The following FARP1 variants were observed in gnomAD, a reference collection of about 807,000 sequenced individuals.
The protein encoded by FARP1 is FERM, ARHGEF and pleckstrin domain-containing protein 1.
FARP1 carries 52 observed loss-of-function variants against 128.8 expected under a neutral mutation model. That is an observed-to-expected ratio of 0.40 (90% CI 0.32 to 0.51). The LOEUF (loss-of-function observed/expected upper bound fraction) is 0.51, where lower values mean the gene tolerates loss of function less well. FARP1 is among the 20% of genes least tolerant of loss of function. The pLI is 0.45. For synonymous variants in FARP1, 580 were observed against 551.8 expected (o/e 1.05, Z -0.72); for missense variants, 1,333 against 1,367.9 (o/e 0.97, Z 0.40).
At chr13:98,291,044 G>A (rs12583790) in intron 2 of FARP1, among the ~76,000 whole-genome samples, 63 of 152,178 alleles carry the variant, frequency 4.1e-4, no homozygotes, top group African/African-American at 1.3e-3. Context: ...CGTGAACAAC[G>A]CAGGTTGGGG....
chr13:98,419,150 A>G (rs1034251344), intron 16 of FARP1, among the ~76,000 whole-genome samples: 4 of 152,212 alleles, frequency 2.6e-5, no homozygotes, highest in African/African-American at 7.2e-5. Context: ...AAATCCACAT[A>G]TATCACATGT....
chr13:98,245,111 A>C (rs1882989415), intron 2 of FARP1: 1 of 996,528 alleles, frequency 1.0e-6, no homozygotes, highest in African/African-American at 1.7e-5. Context: ...TAGATTCTTT[A>C]GTTTTTAAAT....
At chr13:98,301,117 G>A (rs2139699048) in intron 2 of FARP1, among the ~76,000 whole-genome samples, 1 of 152,282 alleles carries the variant, frequency 6.6e-6, no homozygotes, top group Admixed American at 6.5e-5. Flanking sequence ...CATCCTACAA[G>A]GCATAGGACA....
At chr13:98,258,078 A>ATTCTCCTGCCTCAGCCTCCC (rs1278893987) in intron 2 of FARP1, among the ~76,000 whole-genome samples, 1 of 151,818 alleles carries the variant, frequency 6.6e-6, no homozygotes, top group African/African-American at 2.4e-5. Context: ...GGTTCACGCC[A>ATTCTCCTGCCTCAGCCTCCC]TTCTCCTGCC....
intron 13 of FARP1, chr13:98,402,834 G>A (rs1329571169): frequency 6.6e-6 from 1 of 152,096 alleles, no homozygotes; most frequent in Non-Finnish European, 1.5e-5. Context: ...ATTTAATACT[G>A]TAGATAATAT....
chr13:98,340,295 A>G (rs1887912148), intron 2 of FARP1, among the ~76,000 whole-genome samples: 1 of 152,286 alleles, frequency 6.6e-6, no homozygotes, highest in South Asian at 2.1e-4. Flanking sequence ...TGAAACTGGA[A>G]TGTGTTCTTC....
At chr13:98,161,600 G>T (rs1210289622) in intron 1 of FARP1, among the ~76,000 whole-genome samples, 1 of 152,146 alleles carries the variant, frequency 6.6e-6, no homozygotes, top group Non-Finnish European at 1.5e-5. Flanking sequence ...GAGGAATGTG[G>T]CTGAGTTCAC....
intron 1 of FARP1, among the ~76,000 whole-genome samples, chr13:98,212,479 A>G (rs1880783691): frequency 6.6e-6 from 1 of 152,132 alleles, no homozygotes; most frequent in African/African-American, 2.4e-5. Flanking sequence ...AGAGGCAGCG[A>G]GAGGGGAGGG....
chr13:98,163,256 G>A (rs2139135647), intron 1 of FARP1, among the ~76,000 whole-genome samples: 1 of 152,158 alleles, frequency 6.6e-6, no homozygotes, highest in African/African-American at 2.4e-5. Flanking sequence ...CTTATAAGTG[G>A]GCGCTAAATG....
chr13:98,174,238 T>C (rs1425992335), intron 1 of FARP1, among the ~76,000 whole-genome samples: 4 of 152,190 alleles, frequency 2.6e-5, no homozygotes, highest in Non-Finnish European at 5.9e-5. Flanking sequence ...ATTCTGTCAT[T>C]TTAAAAATGG....
At chr13:98,241,295 C>T (rs1415601389) in intron 2 of FARP1, among the ~76,000 whole-genome samples, 7 of 151,692 alleles carry the variant, frequency 4.6e-5, no homozygotes, top group African/African-American at 1.2e-4. Context: ...GGGAGGTGGA[C>T]GGCATGTGCT....
chr13:98,447,965 G>A, intron 26 of FARP1: 3 of 493,088 alleles, frequency 6.1e-6, no homozygotes, highest in South Asian at 2.8e-5. Context: ...GCAACCAGAG[G>A]CCACCTCGCT....
chr13:98,179,365 G>C (rs141101605), intron 1 of FARP1, among the ~76,000 whole-genome samples: 1 of 152,184 alleles, frequency 6.6e-6, no homozygotes, highest in South Asian at 2.1e-4. Flanking sequence ...CAACACAAGA[G>C]AATTTTGGGA....
intron 2 of FARP1, among the ~76,000 whole-genome samples, chr13:98,337,825 T>C (rs1441709563): frequency 2.0e-5 from 3 of 152,170 alleles, no homozygotes; most frequent in Non-Finnish European, 4.4e-5. Flanking sequence ...TTTGCCATTA[T>C]TTCCAAAGAT....
intron 1 of FARP1, among the ~76,000 whole-genome samples, chr13:98,149,062 A>G (rs146720802): frequency 0.015 from 2,326 of 151,218 alleles, 41 homozygotes; most frequent in African/African-American, 0.052. Flanking sequence ...CATTTTTTGT[A>G]TTTTTACTAG....
At chr13:98,191,221 G>A (rs561525004) in intron 1 of FARP1, among the ~76,000 whole-genome samples, 2 of 152,234 alleles carry the variant, frequency 1.3e-5, no homozygotes, top group South Asian at 2.1e-4. Flanking sequence ...ACCCTTGACC[G>A]TACTAACCTT....
intron 2 of FARP1, among the ~76,000 whole-genome samples, chr13:98,298,398 A>T (rs932283578): frequency 6.6e-6 from 1 of 152,212 alleles, no homozygotes; most frequent in Non-Finnish European, 1.5e-5. Flanking sequence ...TGTTAGCTGT[A>T]ACTTACTAGC....
Position 98,198,202 on chromosome 13 carries a change from C to T in FARP1, c.-23-15018C>T, listed in dbSNP as rs186489711. On this transcript the variant is annotated intron_variant, in intron 1 of 26. Transcript: ENST00000319562. ...GCTTGTCTGAGCCAGAAATTCACAG[C>T]AGTGTCTGCCAGTGAGCCCCAGGAC... Among the ~76,000 whole-genome samples, 887 of 152,298 alleles carry T rather than the reference C, an allele frequency of 5.8e-3. 29 individuals are homozygous for T. The highest frequency in any genetic ancestry group is 0.051 in the Admixed American group (777 of 15,300).
chr13:98,352,404 G>T (rs142540920), intron 3 of FARP1, among the ~76,000 whole-genome samples: 1 of 152,124 alleles, frequency 6.6e-6, no homozygotes, highest in African/African-American at 2.4e-5. Context: ...CCCTTGAGAC[G>T]GGCCATCACT....
Sources: allele counts gnomAD v4.1 joint callset (sites outside exome capture counted in the v4.1 genomes callset), GRCh38; gene constraint gnomAD v4.1.1; transcripts MANE v1.5; gene names NCBI Gene and HGNC (gene_info 2026-07-23, HGNC 2026-07-21).